The following AGMO variants were observed in gnomAD, a reference collection of about 807,000 sequenced individuals.
The protein encoded by AGMO is glyceryl-ether monooxygenase.
AGMO carries 75 observed loss-of-function variants against 60.2 expected under a neutral mutation model. The ratio of observed to expected loss-of-function variants is 1.25; its 90% CI spans 1.03 to 1.51. The LOEUF is 1.51. AGMO is among the 40% of genes most tolerant of loss of function. AGMO has a pLI of 0.00. For synonymous variants in AGMO, 261 were observed against 177.1 expected, an observed-to-expected ratio of 1.47 and a Z score of -3.76; for missense variants, 763 against 525.5, an observed-to-expected ratio of 1.45 and a Z score of -4.42.
At chr7:15,136,282 C>T in the AGMO span, among the ~76,000 whole-genome samples, 3 of 151,972 alleles carry the variant, frequency 2.0e-5, no homozygotes, top group African/African-American at 7.3e-5. Flanking sequence ...CATGAGCCAC[C>T]GCGCCTGGCC....
intron 12 of AGMO, among the ~76,000 whole-genome samples, chr7:15,364,258 C>A (rs957925502): frequency 2.4e-4 from 37 of 152,036 alleles, no homozygotes; most frequent in African/African-American, 7.7e-4. Flanking sequence ...TTCCCACAAG[C>A]AACATGTTAG....
the AGMO span, among the ~76,000 whole-genome samples, chr7:15,154,774 C>T: frequency 2.6e-5 from 4 of 152,160 alleles, no homozygotes; most frequent in Non-Finnish European, 5.9e-5. Context: ...CCTTAAGGAT[C>T]TCTTGTAAGG....
At chr7:15,452,276 A>G (rs567189164) in intron 3 of AGMO, among the ~76,000 whole-genome samples, 1 of 152,296 alleles carries the variant, frequency 6.6e-6, no homozygotes, top group East Asian at 1.9e-4. Context: ...ATTAAATAAT[A>G]CTATCAAAAA....
chr7:15,441,789 C>G (rs540793190), intron 3 of AGMO, among the ~76,000 whole-genome samples: 49 of 152,080 alleles, frequency 3.2e-4, no homozygotes, highest in Non-Finnish European at 5.7e-4. Context: ...GAAAGCAAAA[C>G]AACCAGGAAT....
intron 3 of AGMO, among the ~76,000 whole-genome samples, chr7:15,464,054 G>A (rs1782215364): frequency 6.6e-6 from 1 of 152,142 alleles, no homozygotes; most frequent in African/African-American, 2.4e-5. Context: ...TCTAGTAATA[G>A]CCACGGAGAT....
intron 1 of AGMO, among the ~76,000 whole-genome samples, chr7:15,560,943 AAC>A (rs2115319388): frequency 6.6e-6 from 1 of 152,306 alleles, no homozygotes; most frequent in Non-Finnish European, 1.5e-5. Flanking sequence ...CACTTTTTTT[AAC>A]TTAAAAACTC....
At chr7:15,171,087 T>G in the AGMO span, among the ~76,000 whole-genome samples, 1 of 152,024 alleles carries the variant, frequency 6.6e-6, no homozygotes, top group South Asian at 2.1e-4. Flanking sequence ...GCTCACACCA[T>G]TCTCCTGCCT....
chr7:15,384,530 CG>C (rs1562476245), intron 10 of AGMO, among the ~76,000 whole-genome samples: 1 of 151,990 alleles, frequency 6.6e-6, no homozygotes, highest in East Asian at 1.9e-4. Context: ...TAAAGATAGG[CG>C]TATCTTAACC....
intron 12 of AGMO, among the ~76,000 whole-genome samples, chr7:15,342,593 A>G (rs1168112444): frequency 6.6e-6 from 1 of 151,964 alleles, no homozygotes; most frequent in East Asian, 1.9e-4. Context: ...TTCCTCAATA[A>G]AAATGTTCAG....
At chr7:15,223,874 T>TC (rs930569791) in intron 12 of AGMO, among the ~76,000 whole-genome samples, 1 of 151,876 alleles carries the variant, frequency 6.6e-6, no homozygotes, top group African/African-American at 2.4e-5. Flanking sequence ...AAATTATGAA[T>TC]ATGTCAATGT....
the AGMO span, among the ~76,000 whole-genome samples, chr7:15,133,544 G>A: frequency 1.3e-5 from 2 of 152,058 alleles, no homozygotes; most frequent in African/African-American, 4.8e-5. Context: ...GGACCAAGAG[G>A]CAAGTCAGTG....
chr7:15,164,481 G>T, the AGMO span, among the ~76,000 whole-genome samples: 10 of 152,050 alleles, frequency 6.6e-5, no homozygotes, highest in Middle Eastern at 3.4e-3. Context: ...GAAAATATTT[G>T]CAAACTATGC....
At chr7:15,463,899 T>C (rs1782209648) in intron 3 of AGMO, among the ~76,000 whole-genome samples, 1 of 152,214 alleles carries the variant, frequency 6.6e-6, no homozygotes, top group Non-Finnish European at 1.5e-5. Flanking sequence ...TGATTATTTT[T>C]AGTTCTAAGT....
chr7:15,517,432 G>A (rs573231488), intron 3 of AGMO, among the ~76,000 whole-genome samples: 1 of 151,262 alleles, frequency 6.6e-6, no homozygotes, highest in Non-Finnish European at 1.5e-5. Flanking sequence ...CAATGCAGAA[G>A]GTGGGTGATT....
At chr7:15,195,919 T>A (rs1340879538), downstream of AGMO, among the ~76,000 whole-genome samples, 1 of 151,988 alleles carries the variant, frequency 6.6e-6, no homozygotes, top group East Asian at 1.9e-4. Flanking sequence ...TTCGACCACA[T>A]CTCCATTCCC....
At chr7:15,351,363 C>T (rs1235169717) in intron 12 of AGMO, among the ~76,000 whole-genome samples, 1 of 152,030 alleles carries the variant, frequency 6.6e-6, no homozygotes, top group African/African-American at 2.4e-5. Context: ...ACTTAAAATA[C>T]CATTTTGATT....
At position 15,561,950 on chromosome 7, in the gene AGMO, G is replaced by A. The variant is rs562687901; in HGVS notation, c.-105C>T. ...ATGTGCAGCTCAGAACAAGCTCTTT[G>A]TCAGAGAACAGCTAAAACCAAAGCT... is the stretch of plus-strand genomic sequence containing the variant. On this transcript the variant is annotated 5_prime_UTR_variant, in exon 1 of 13. Coordinates refer to ENST00000342526, the MANE Select transcript of AGMO (RefSeq NM_001004320.2). 10 of 1,241,258 alleles carry A rather than the reference G, an allele frequency of 8.1e-6. No homozygotes were observed. The East Asian group carries it at 2.0e-4, about 25-fold the overall frequency. 76.9% of individuals were successfully genotyped at this position (1,241,258 alleles called of 1,614,324 possible).
At chr7:15,357,190 C>CGTGTGTGT (rs36124819) in intron 12 of AGMO, among the ~76,000 whole-genome samples, 4,029 of 144,386 alleles carry the variant, frequency 0.028, 65 homozygotes, top group African/African-American at 0.05. Context: ...TATGAATATT[C>CGTGTGTGT]GTGTGTGTGT....
downstream of AGMO, among the ~76,000 whole-genome samples, chr7:15,197,892 C>T (rs371607286): frequency 4.6e-5 from 7 of 152,198 alleles, no homozygotes; most frequent in South Asian, 1.0e-3. Context: ...CTTCAATGTT[C>T]GACTTCAGAG....
Sources: allele counts gnomAD v4.1 joint callset (sites outside exome capture counted in the v4.1 genomes callset), GRCh38; gene constraint gnomAD v4.1.1; transcripts MANE v1.5; gene names NCBI Gene and HGNC (gene_info 2026-07-23, HGNC 2026-07-21).